GRB10: variants seen among roughly 807,000 people sequenced by gnomAD.
GRB10 encodes the protein growth factor receptor bound protein 10.
A neutral mutation model predicts 80.9 loss-of-function variants in GRB10; 20 were observed. The observed-to-expected ratio is 0.25, with a 90% CI of 0.17 to 0.36. The LOEUF (loss-of-function observed/expected upper bound fraction) is 0.36, where lower values mean the gene tolerates loss of function less well. Among genes scored for constraint, GRB10 ranks in the 10% least tolerant of loss-of-function variants. The pLI is 1.00. For missense variants in GRB10, 548 were observed against 747.7 expected (o/e 0.73, Z 3.12); for synonymous variants, 291 against 291.5 (o/e 1.00, Z 0.02).
chr7:50,675,657 G>A (rs1479428601), intron 5 of GRB10, among the ~76,000 whole-genome samples: 1 of 152,210 alleles, frequency 6.6e-6, no homozygotes, highest in South Asian at 2.1e-4. Context: ...TGTCCAGCCT[G>A]CCAGCCTGCC....
At chr7:50,748,260 G>A (rs2073368942) in intron 3 of GRB10, among the ~76,000 whole-genome samples, 1 of 152,214 alleles carries the variant, frequency 6.6e-6, no homozygotes, top group African/African-American at 2.4e-5. Flanking sequence ...CCTGGAGGAG[G>A]CCCCGTGGCC....
At chr7:50,641,371 C>T (rs987008323) in intron 7 of GRB10, among the ~76,000 whole-genome samples, 1 of 152,088 alleles carries the variant, frequency 6.6e-6, no homozygotes, top group African/African-American at 2.4e-5. Flanking sequence ...TTCAACATTG[C>T]ACCAAGATGT....
chr7:50,792,938 G>GCGCGGAGAGCCC (rs1308802776), intron 1 of GRB10: 1 of 147,474 alleles, frequency 6.8e-6, no homozygotes, highest in Non-Finnish European at 1.5e-5. Context: ...CGGGAACGCA[G>GCGCGGAGAGCCC]CGCGGAGAGC....
chr7:50,641,492 C>G (rs1456584739), intron 7 of GRB10, among the ~76,000 whole-genome samples: 1 of 152,192 alleles, frequency 6.6e-6, no homozygotes, highest in East Asian at 1.9e-4. Flanking sequence ...TTCATGAGAG[C>G]TGTGAAGGGC....
chr7:50,775,161 C>CAAAAAAAA lies in GRB10; in HGVS notation c.-217+5458_-217+5465dup, dbSNP rs777553621. 1.3e-3 allele frequency among the ~76,000 whole-genome samples: 40 copies of CAAAAAAAA among 30,978 alleles called. 4 individuals are homozygous for CAAAAAAAA. Among genetic ancestry groups the CAAAAAAAA allele is most frequent in the African/African-American group, 2.8e-3 (26 of 9,154 alleles). 20.3% of individuals were successfully genotyped at this position (30,978 alleles called of 152,430 possible). The stretch of plus-strand genomic sequence containing the variant: ...GAATGACACAGTGAGATCCTGTCTC[C>CAAAAAAAA]AAAAAAAAAAAACAAAAAAAAACAG... On this transcript the variant is annotated intron_variant, in intron 2 of 18. Coordinates refer to ENST00000401949, the MANE Select transcript of GRB10 (RefSeq NM_001350814.2).
chr7:50,669,918 C>G, intron 6 of GRB10, 55 bp from the exon 7 acceptor site: 2 of 1,559,094 alleles, frequency 1.3e-6, no homozygotes, highest in South Asian at 2.3e-5. Context: ...CATGACCCAG[C>G]CTTACCACTG....
intron 18 of GRB10, among the ~76,000 whole-genome samples, chr7:50,594,103 G>A (rs947686578): frequency 1.3e-5 from 2 of 152,022 alleles, no homozygotes; most frequent in Non-Finnish European, 2.9e-5. Context: ...AAAAAGGATT[G>A]TCTATGCAGC....
intron 4 of GRB10, chr7:50,710,857 T>A (rs1238443248): frequency 1.2e-6 from 2 of 1,612,320 alleles, no homozygotes; most frequent in East Asian, 4.5e-5. Context: ...GAGTGTTCGG[T>A]AGACAGCGGG....
chr7:50,648,516 T>C (rs566120258), intron 7 of GRB10, among the ~76,000 whole-genome samples: 8 of 152,344 alleles, frequency 5.3e-5, no homozygotes, highest in African/African-American at 1.7e-4. Context: ...AGGCAGAGCC[T>C]CGACCCAAGG....
chr7:50,773,371 A>G lies in GRB10; in HGVS notation c.-217+7256T>C, dbSNP rs1327721945. 2.9e-5 allele frequency among the ~76,000 whole-genome samples: 3 copies of G among 104,850 alleles called. No individual in the cohort carries two copies. The East Asian group carries it at 9.5e-4, about 33-fold the overall frequency. The allele number at this position is 104,850 out of a possible 152,430, so 68.8% of individuals were successfully genotyped here. On this transcript the variant is annotated intron_variant, in intron 2 of 18. Transcript: ENST00000401949. ...AGGGGAAGAAAGGCAAGGGAAGAGG[A>G]AGCGGAATGGGAAGGGAAGGGGAAG...
chr7:50,735,345 A>G (rs528571541), intron 3 of GRB10, among the ~76,000 whole-genome samples: 1 of 152,358 alleles, frequency 6.6e-6, no homozygotes, highest in African/African-American at 2.4e-5. Context: ...AGGAACTAAT[A>G]TTGTTAAGAT....
At chr7:50,631,456 G>A (rs2053988269) in intron 7 of GRB10, among the ~76,000 whole-genome samples, 1 of 152,128 alleles carries the variant, frequency 6.6e-6, no homozygotes, top group Admixed American at 6.5e-5. Context: ...CAGCTCTTGC[G>A]ACCAGTTTCA....
intron 17 of GRB10, among the ~76,000 whole-genome samples, chr7:50,600,739 C>A (rs896069177): frequency 1.3e-5 from 2 of 152,176 alleles, no homozygotes; most frequent in African/African-American, 4.8e-5. Context: ...TGCCAAAAGA[C>A]AAAGAAGTCC....
chr7:50,756,445 G>A (rs145032007), intron 2 of GRB10, among the ~76,000 whole-genome samples: 2 of 152,304 alleles, frequency 1.3e-5, no homozygotes, highest in Non-Finnish European at 2.9e-5. Flanking sequence ...ACAACCTTCG[G>A]CCCACCCAGC....
intron 17 of GRB10, among the ~76,000 whole-genome samples, chr7:50,599,435 T>G (rs1019758422): frequency 6.6e-6 from 1 of 152,196 alleles, no homozygotes; most frequent in African/African-American, 2.4e-5. Context: ...AATGGATTAT[T>G]TACCTTGTTA....
intron 5 of GRB10, among the ~76,000 whole-genome samples, chr7:50,682,472 T>C (rs553032440): frequency 6.6e-5 from 10 of 152,334 alleles, no homozygotes; most frequent in Admixed American, 4.6e-4. Flanking sequence ...GTGAAAAGGA[T>C]TGGTAACCGT....
At chr7:50,643,399 C>T (rs1292721128) in intron 7 of GRB10, among the ~76,000 whole-genome samples, 1 of 152,194 alleles carries the variant, frequency 6.6e-6, no homozygotes, top group Non-Finnish European at 1.5e-5. Context: ...TCCAAGGAAA[C>T]ACCACACAAA....
chr7:50,761,382 G>A (rs2075749084), intron 2 of GRB10, among the ~76,000 whole-genome samples: 1 of 152,236 alleles, frequency 6.6e-6, no homozygotes, highest in African/African-American at 2.4e-5. Context: ...CTACTAGAGT[G>A]AGCCTGAAAT....
intron 2 of GRB10, among the ~76,000 whole-genome samples, chr7:50,759,106 T>G (rs564165311): frequency 1.8e-4 from 27 of 149,974 alleles, no homozygotes; most frequent in Non-Finnish European, 3.2e-4. Flanking sequence ...GGTGGGAGGA[T>G]CGCTTGAGCC....
Sources: allele counts gnomAD v4.1 joint callset (sites outside exome capture counted in the v4.1 genomes callset), GRCh38; gene constraint gnomAD v4.1.1; transcripts MANE v1.5; gene names NCBI Gene and HGNC (gene_info 2026-07-23, HGNC 2026-07-21).